Variants in DPYD observed in about 807,000 individuals in gnomAD.
DPYD encodes the protein dihydropyrimidine dehydrogenase [NADP(+)].
DPYD carries 109 observed loss-of-function variants against 116.2 expected under a neutral mutation model. The observed-to-expected ratio is 0.94, with a 90% CI of 0.80 to 1.10. The LOEUF is 1.10. Among genes scored for constraint, DPYD ranks in the 50% least tolerant of loss-of-function variants. The pLI, the probability that DPYD is intolerant of heterozygous loss-of-function variation, is 0.00. For missense variants in DPYD, 1,302 were observed against 1,254.5 expected, an observed-to-expected ratio of 1.04 and a Z score of -0.57; for synonymous variants, 440 against 432.0, an observed-to-expected ratio of 1.02 and a Z score of -0.23.
chr1:97,418,587 AC>A (rs1346345505), intron 14 of DPYD, among the ~76,000 whole-genome samples: 1 of 152,174 alleles, frequency 6.6e-6, no homozygotes, highest in Middle Eastern at 3.2e-3. Flanking sequence ...GGCGTGAGTC[AC>A]TGCACCCAGC....
intron 3 of DPYD, among the ~76,000 whole-genome samples, chr1:97,795,357 C>A (rs1040766678): frequency 1.3e-5 from 2 of 152,056 alleles, no homozygotes; most frequent in Admixed American, 6.5e-5. Flanking sequence ...TATCAATTTT[C>A]TAACTGCTAA....
At chr1:97,449,702 T>C (rs906214722) in intron 14 of DPYD, among the ~76,000 whole-genome samples, 1 of 152,198 alleles carries the variant, frequency 6.6e-6, no homozygotes, top group Non-Finnish European at 1.5e-5. Context: ...GGTTTATATT[T>C]AAAATGATTT....
In DPYD at chr1:97,703,390, A is replaced by C. The variant is rs1355611260; in HGVS notation, c.484-3843T>G. Among the ~76,000 whole-genome samples, 4 of 152,102 alleles carry C rather than the reference A, an allele frequency of 2.6e-5. No individual in the cohort carries two copies. The East Asian group carries it at 7.7e-4, about 29-fold the overall frequency. On this transcript the variant is annotated intron_variant, in intron 5 of 22. Coordinates refer to ENST00000370192, the MANE Select transcript of DPYD (RefSeq NM_000110.4). The stretch of plus-strand genomic sequence containing the variant: ...TTTCTATGCCTCAGTCTCCTTAATA[A>C]GGTGGGATTAATAAAATATATTTCA...
In DPYD at chr1:97,329,573, C is replaced by T. The variant is rs1006307622; in HGVS notation, c.2059-23276G>A. On this transcript the variant is annotated intron_variant, in intron 16 of 22. Coordinates refer to ENST00000370192, the MANE Select transcript of DPYD (RefSeq NM_000110.4). ...ACCAGCCTGGCCAACATGGCAAAAC[C>T]CGGTATCTACTAAAAATTAAAAAAA... is the stretch of plus-strand genomic sequence containing the variant. Among the ~76,000 whole-genome samples the T allele has an allele frequency of 1.1e-4, 16 of 151,082 alleles. 1 individual carries two copies.
At chr1:97,173,306 A>G (rs1656935231) in intron 20 of DPYD, among the ~76,000 whole-genome samples, 1 of 149,014 alleles carries the variant, frequency 6.7e-6, no homozygotes, top group South Asian at 2.1e-4. Context: ...ATATGTACAT[A>G]TATATGCACA....
Position 97,554,038 on chromosome 1 carries a change from G to A in DPYD, c.1340-4294C>T, listed in dbSNP as rs182156605. On this transcript the variant is annotated intron_variant, in intron 11 of 22. Transcript: ENST00000370192. ...CTGAGGTAGCTTTATAACAAGAAACGGTTTTGAAATTGGAACTTTTAGTCA... is the reference window on the plus strand; with the variant it reads ...CTGAGGTAGCTTTATAACAAGAAACAGTTTTGAAATTGGAACTTTTAGTCA... Among the ~76,000 whole-genome samples the A allele has an allele frequency of 1.3e-3, 196 of 152,154 alleles. 1 individual carries two copies. In the Middle Eastern group the frequency reaches 0.014, roughly 11 times the overall value.
intron 3 of DPYD, among the ~76,000 whole-genome samples, chr1:97,812,493 T>C (rs1249962189): frequency 2.6e-5 from 4 of 152,116 alleles, no homozygotes; most frequent in African/African-American, 9.7e-5. Context: ...CACTAAGGAC[T>C]TTTTTCCAAA....
At chr1:97,602,079 C>G (rs1185438325) in intron 8 of DPYD, among the ~76,000 whole-genome samples, 1 of 151,842 alleles carries the variant, frequency 6.6e-6, no homozygotes, top group African/African-American at 2.4e-5. Flanking sequence ...TTTTCCATTA[C>G]ACAAGATTCT....
chr1:97,256,268 C>T (rs1352055280), intron 18 of DPYD, among the ~76,000 whole-genome samples: 1 of 152,048 alleles, frequency 6.6e-6, no homozygotes, highest in African/African-American at 2.4e-5. Flanking sequence ...CTGTATAGCT[C>T]CCAAGCTTCT....
intron 2 of DPYD, among the ~76,000 whole-genome samples, chr1:97,848,768 A>G (rs1220829778): frequency 1.3e-5 from 2 of 152,180 alleles, no homozygotes; most frequent in Non-Finnish European, 2.9e-5. Flanking sequence ...GTTTTAGAGA[A>G]GCTCAAATAA....
intron 16 of DPYD, among the ~76,000 whole-genome samples, chr1:97,370,492 G>A (rs930891194): frequency 6.6e-6 from 1 of 152,002 alleles, no homozygotes; most frequent in African/African-American, 2.4e-5. Context: ...CTAGATGATG[G>A]GTTGATAGGT....
chr1:97,252,229 C>G (rs1027452603), intron 18 of DPYD, among the ~76,000 whole-genome samples: 5 of 152,114 alleles, frequency 3.3e-5, no homozygotes, highest in African/African-American at 4.8e-5. Flanking sequence ...ATTACTTTGT[C>G]TACTGGCATG....
chr1:97,458,631 G>C (rs776719125), intron 13 of DPYD, among the ~76,000 whole-genome samples: 1 of 152,058 alleles, frequency 6.6e-6, no homozygotes, highest in Admixed American at 6.6e-5. Context: ...AGTAGAAATC[G>C]CCACATAAAT....
chr1:97,433,202 G>A (rs1570726374), intron 14 of DPYD, among the ~76,000 whole-genome samples: 1 of 152,094 alleles, frequency 6.6e-6, no homozygotes, highest in African/African-American at 2.4e-5. Flanking sequence ...CTTTTAACTG[G>A]AGGAGGCCCT....
At chr1:97,607,143 G>A (rs1436341941) in intron 8 of DPYD, among the ~76,000 whole-genome samples, 3 of 151,876 alleles carry the variant, frequency 2.0e-5, no homozygotes, top group Admixed American at 6.6e-5. Context: ...AGAAAAAATA[G>A]CACTTATACT....
chr1:97,719,063 A>G (rs1662776971), intron 5 of DPYD, among the ~76,000 whole-genome samples: 1 of 151,200 alleles, frequency 6.6e-6, no homozygotes, highest in African/African-American at 2.4e-5. Flanking sequence ...TACTACATGA[A>G]CACACCAGTG....
At chr1:97,478,076 T>C (rs888163970) in intron 13 of DPYD, among the ~76,000 whole-genome samples, 4 of 152,200 alleles carry the variant, frequency 2.6e-5, no homozygotes, top group African/African-American at 9.6e-5. Context: ...GCAGAATGGA[T>C]ATGTGTTAGA....
rs111858276 is a variant in DPYD, at chr1:97,549,600, T to C, written c.1484A>G (p.Asp495Gly). ...LANTTVESVN[D>G]GKQASWYIHK... is the part of the protein sequence containing the mutation. ...AATGTACCAAGAAGCTTGCTTTCCA[T>C]CATTCACCGATTCCACTGTAGTGTT... The change falls in exon 12 of 23, where the codon GAT becomes GGT. Residue 495 changes from aspartate (D) to glycine (G), a missense_variant. Physicochemically the swap from Asp to Gly is moderately conservative, Grantham distance 94. Transcript: ENST00000370192. 6.2e-7 allele frequency: 1 copy of C among 1,613,890 alleles called. No homozygotes were observed. Among genetic ancestry groups the C allele is most frequent in the Non-Finnish European group, 8.5e-7 (1 of 1,179,850 alleles).
intron 20 of DPYD, among the ~76,000 whole-genome samples, chr1:97,183,650 G>T (rs1657797821): frequency 6.6e-6 from 1 of 152,104 alleles, no homozygotes; most frequent in Admixed American, 6.6e-5. Flanking sequence ...AAAAACACAT[G>T]TTGGGAGTTT....
Sources: gnomAD v4.1 joint callset for allele counts (sites outside exome capture counted in the v4.1 genomes callset) on GRCh38, gnomAD v4.1.1 for gene constraint, MANE v1.5 for transcripts, NCBI Gene and HGNC (gene_info 2026-07-23, HGNC 2026-07-21) for gene names.